SCN8A: variants seen among roughly 807,000 people sequenced by gnomAD.
The protein encoded by SCN8A is sodium channel protein type 8 subunit alpha.
A neutral mutation model predicts 184.1 loss-of-function variants in SCN8A; 30 were observed. That is an observed-to-expected ratio of 0.16 (90% CI 0.12 to 0.22). SCN8A has a LOEUF of 0.22. Ranked by LOEUF, SCN8A falls within the 10% of genes least tolerant of loss-of-function variation. The pLI, the probability that SCN8A is intolerant of heterozygous loss-of-function variation, is 1.00. For missense variants in SCN8A, 1,057 were observed against 2,498.9 expected (o/e 0.42, Z 12.30); for synonymous variants, 852 against 907.0 (o/e 0.94, Z 1.09).
intron 14 of SCN8A, among the ~76,000 whole-genome samples, chr12:51,761,443 CTATT>C (rs147096948): frequency 2.1e-4 from 31 of 149,906 alleles, no homozygotes; most frequent in Admixed American, 6.6e-4. Flanking sequence ...ATTTTATTCA[CTATT>C]TATTTATTTA....
At chr12:51,774,526 G>T (rs1226987715) in intron 20 of SCN8A, among the ~76,000 whole-genome samples, 164 bp downstream of exon 20, 2 of 152,186 alleles carry the variant, frequency 1.3e-5, no homozygotes, top group African/African-American at 4.8e-5. Flanking sequence ...CTTCATATTA[G>T]GAAGGGGAAC....
At chr12:51,760,158 A>C (rs906130278) in intron 14 of SCN8A, among the ~76,000 whole-genome samples, 1 of 152,236 alleles carries the variant, frequency 6.6e-6, no homozygotes. Context: ...AGACACTTAT[A>C]TATAATTGCT....
At chr12:51,798,417 G>A (rs962705896) in intron 26 of SCN8A, among the ~76,000 whole-genome samples, 1 of 152,166 alleles carries the variant, frequency 6.6e-6, no homozygotes, top group Non-Finnish European at 1.5e-5. Flanking sequence ...AGGACAAACC[G>A]CTGCCCTTTC....
chr12:51,611,860 A>T (rs1939727915), intron 1 of SCN8A, among the ~76,000 whole-genome samples: 1 of 152,102 alleles, frequency 6.6e-6, no homozygotes, highest in Admixed American at 6.5e-5. Context: ...AGATATGATG[A>T]TTTTTTTGTA....
intron 26 of SCN8A, among the ~76,000 whole-genome samples, chr12:51,801,611 G>A (rs561863480): frequency 7.2e-5 from 11 of 152,220 alleles, no homozygotes; most frequent in African/African-American, 1.7e-4. Flanking sequence ...TTAACTCCCC[G>A]AGCTGCGATA....
At chr12:51,728,804 TG>T (rs1365445501) in intron 12 of SCN8A, among the ~76,000 whole-genome samples, 4 of 151,842 alleles carry the variant, frequency 2.6e-5, no homozygotes, top group African/African-American at 7.3e-5. Context: ...CCTTAATTTT[TG>T]TTCCCATTTT....
At chr12:51,784,738 A>T (rs1045523646) in intron 21 of SCN8A, among the ~76,000 whole-genome samples, 1 of 152,210 alleles carries the variant, frequency 6.6e-6, no homozygotes, top group Non-Finnish European at 1.5e-5. Context: ...CTTTATGAGA[A>T]TAAAAGTTCA....
In SCN8A at chr12:51,768,933, C is replaced by T. The variant is rs74798508; in HGVS notation, c.2970C>T (p.Asp990=). Residue 990 remains aspartate, a synonymous_variant, in exon 17 of 27, where the codon GAC becomes GAT. Transcript: ENST00000627620. The part of the protein sequence containing the change: ...FSADNLAATD[D]DGEMNNLQIS... The stretch of plus-strand genomic sequence containing the variant: ...CAGACAACCTGGCTGCCACAGATGA[C>T]GATGGGGAAATGAACAACCTCCAGA... 1.1e-5 allele frequency: 17 copies of T among 1,605,166 alleles called. No individual in the cohort carries two copies. The African/African-American group carries it at 1.5e-4, about 14-fold the overall frequency.
At chr12:51,620,371 CTA>C (rs1565861998) in intron 1 of SCN8A, among the ~76,000 whole-genome samples, 2 of 152,060 alleles carry the variant, frequency 1.3e-5, no homozygotes, top group East Asian at 1.9e-4. Context: ...CTGAAAAAGA[CTA>C]TTTTTAAGTG....
chr12:51,792,506 A>G (rs1199345072), intron 25 of SCN8A, among the ~76,000 whole-genome samples: 1 of 150,612 alleles, frequency 6.6e-6, no homozygotes, highest in African/African-American at 2.4e-5. Flanking sequence ...AAAAAAAAAA[A>G]AAAAAAAGAT....
chr12:51,732,144 C>T (rs1942253735), intron 12 of SCN8A, among the ~76,000 whole-genome samples: 2 of 152,138 alleles, frequency 1.3e-5, no homozygotes, highest in South Asian at 4.1e-4. Context: ...AATTTTTACC[C>T]AGACCAGTGT....
chr12:51,640,573 C>T (rs1338923094), intron 1 of SCN8A, among the ~76,000 whole-genome samples: 1 of 151,972 alleles, frequency 6.6e-6, no homozygotes, highest in Non-Finnish European at 1.5e-5. Flanking sequence ...TGGAAAAGTA[C>T]AGTAGGAGTG....
chr12:51,615,646 A>G (rs992891434), intron 1 of SCN8A, among the ~76,000 whole-genome samples: 1 of 152,032 alleles, frequency 6.6e-6, no homozygotes, highest in African/African-American at 2.4e-5. Flanking sequence ...TTGCATCTAC[A>G]TGCATGAAAA....
chr12:51,624,540 A>C (rs1408468178), intron 1 of SCN8A, among the ~76,000 whole-genome samples: 2 of 151,648 alleles, frequency 1.3e-5, no homozygotes, highest in African/African-American at 4.9e-5. Context: ...AGATTGCAAA[A>C]ATTTTCTCCC....
chr12:51,604,682 C>T (rs1342071017), intron 1 of SCN8A, among the ~76,000 whole-genome samples: 2 of 152,004 alleles, frequency 1.3e-5, no homozygotes, highest in Non-Finnish European at 2.9e-5. Context: ...CATGCGCCAC[C>T]ACACCTGGCT....
At chr12:51,680,234 G>A (rs1157284813) in intron 2 of SCN8A, among the ~76,000 whole-genome samples, 1 of 152,144 alleles carries the variant, frequency 6.6e-6, no homozygotes, top group Non-Finnish European at 1.5e-5. Context: ...TTAGAAAGGG[G>A]TGATGGTAAA....
chr12:51,692,724 G>C (rs1414232061), intron 6 of SCN8A, among the ~76,000 whole-genome samples: 3 of 152,194 alleles, frequency 2.0e-5, no homozygotes, highest in African/African-American at 4.8e-5. Flanking sequence ...ACTTCTAAGT[G>C]ACTCTGTCAG....
At position 51,663,885 on chromosome 12, in the gene SCN8A, G is replaced by T. The variant is rs1195604700; in HGVS notation, c.276+792G>T. Among the ~76,000 whole-genome samples the T allele has an allele frequency of 2.1e-5, 3 of 139,752 alleles. No homozygotes were observed. In the Admixed American group the frequency reaches 2.2e-4, roughly 10 times the overall value. 91.7% of individuals were successfully genotyped at this position (139,752 alleles called of 152,430 possible). ...GACTGGCATCAGACACCGTTTTAGG[G>T]AACCCCTCATTTGACAGATTTTTTT... is the stretch of plus-strand genomic sequence containing the variant. On this transcript the variant is annotated intron_variant, in intron 2 of 26. Transcript: ENST00000627620.
intron 1 of SCN8A, among the ~76,000 whole-genome samples, chr12:51,619,506 A>G (rs750545526): frequency 1.3e-5 from 2 of 152,204 alleles, no homozygotes; most frequent in Admixed American, 6.5e-5. Flanking sequence ...ATTTCATATC[A>G]CTACAAATAA....
Sources: gnomAD v4.1 joint callset for allele counts (sites outside exome capture counted in the v4.1 genomes callset) on GRCh38, gnomAD v4.1.1 for gene constraint, MANE v1.5 for transcripts, NCBI Gene and HGNC (gene_info 2026-07-23, HGNC 2026-07-21) for gene names.